NUP37: variants seen among roughly 807,000 people sequenced by gnomAD.
The protein encoded by NUP37 is nucleoporin Nup37.
A neutral mutation model predicts 45.4 loss-of-function variants in NUP37; 33 were observed. That is an observed-to-expected ratio of 0.73 (90% CI 0.55 to 0.97). The LOEUF (loss-of-function observed/expected upper bound fraction) is 0.97. Ranked by LOEUF, NUP37 falls within the 50% of genes least tolerant of loss-of-function variation. The pLI, the probability that NUP37 is intolerant of heterozygous loss-of-function variation, is 0.00. For missense variants in NUP37, 365 were observed against 389.7 expected (o/e 0.94, Z 0.53); for synonymous variants, 127 against 130.7 (o/e 0.97, Z 0.19).
intron 6 of NUP37, among the ~76,000 whole-genome samples, chr12:102,083,088 G>T (rs117435512): frequency 0.014 from 2,064 of 152,236 alleles, 24 homozygotes; most frequent in Non-Finnish European, 0.022. Flanking sequence ...TTAAGTTAAA[G>T]CATATGGAAG....
intron 2 of NUP37, among the ~76,000 whole-genome samples, chr12:102,112,596 A>G (rs573429538): frequency 2.0e-5 from 3 of 152,186 alleles, no homozygotes; most frequent in Non-Finnish European, 2.9e-5. Flanking sequence ...CTGGAGTCTG[A>G]GACCAGACTG....
rs567823463 is a variant in NUP37 at position 102,079,133 on chromosome 12, T to C, written c.541-1630A>G. On this transcript the variant is annotated intron_variant, in intron 6 of 9. Coordinates refer to ENST00000552283, the MANE Select transcript of NUP37 (RefSeq NM_024057.4). ...TGAGGGTGTAAATAGTAGTGGTAGA[T>C]TGGCAAGAATGTGGGATTTGGCATC... 2.4e-5 allele frequency: 11 copies of C among 449,400 alleles called. No individual in the cohort carries two copies. In the East Asian group the frequency reaches 4.2e-4, roughly 17 times the overall value. 27.8% of individuals were successfully genotyped at this position (449,400 alleles called of 1,614,324 possible).
intron 3 of NUP37, among the ~76,000 whole-genome samples, chr12:102,105,861 CAAAAAAA>C (rs759252411): frequency 0.071 from 5,207 of 73,700 alleles, 143 homozygotes; most frequent in African/African-American, 0.12. Context: ...GACTCCCTCT[CAAAAAAA>C]AAAAAAAAAA....
intron 4 of NUP37, among the ~76,000 whole-genome samples, chr12:102,100,270 T>C (rs1388180664): frequency 6.6e-6 from 1 of 152,206 alleles, no homozygotes; most frequent in East Asian, 1.9e-4. Context: ...TACTATTTTC[T>C]AAATGATTGG....
chr12:102,112,201 T>C lies in NUP37; in HGVS notation c.188A>G (p.Tyr63Cys), dbSNP rs1880337539. ...EEEADVEGIQ[Y>C]KTLRTFHHGV... The stretch of plus-strand genomic sequence containing the variant: ...ATGGTGAAATGTTCGAAGTGTTTTA[T>C]ACTGAATGCCTTCAACGTCTGCTTC... The change falls in exon 3 of 10, where the codon TAT becomes TGT. Residue 63 changes from tyrosine to cysteine, a missense_variant. Transcript: ENST00000552283. 6.2e-7 allele frequency: 1 copy of C among 1,613,618 alleles called. No individual in the cohort carries two copies. Among genetic ancestry groups the C allele is most frequent in the South Asian group, 1.1e-5 (1 of 91,056 alleles).
intron 3 of NUP37, among the ~76,000 whole-genome samples, chr12:102,109,825 T>C (rs1329878343): frequency 6.6e-6 from 1 of 152,200 alleles, no homozygotes; most frequent in Non-Finnish European, 1.5e-5. Flanking sequence ...CAGCTGAATA[T>C]GTAGATTAAA....
rs1321898098 is a variant in NUP37, at chr12:102,101,166, T to TC, written c.282-63dup. ...CCTTTGTAAGTGAAAGGTCTCCCCCTCCCCCCCATCCTTCCCTTCAGATCA... is the reference window on the plus strand; with the variant it reads ...CCTTTGTAAGTGAAAGGTCTCCCCCTCCCCCCCCATCCTTCCCTTCAGATCA... On this transcript the variant is annotated intron_variant, in intron 3 of 9. Transcript: ENST00000552283. The TC allele has an allele frequency of 1.1e-4, 87 of 794,860 alleles. No individual in the cohort carries two copies. The Admixed American group carries it at 1.1e-3, about 11-fold the overall frequency. 49.2% of individuals were successfully genotyped at this position (794,860 alleles called of 1,614,324 possible).
At chr12:102,095,348 G>A (rs1011264817) in intron 5 of NUP37, among the ~76,000 whole-genome samples, 4 of 151,954 alleles carry the variant, frequency 2.6e-5, no homozygotes, top group Admixed American at 6.6e-5. Context: ...AACTATGAAC[G>A]TATTTATATT....
At chr12:102,090,970 A>G (rs1387018338) in intron 5 of NUP37, among the ~76,000 whole-genome samples, 2 of 152,246 alleles carry the variant, frequency 1.3e-5, no homozygotes, top group African/African-American at 4.8e-5. Flanking sequence ...TTTCTACTAT[A>G]AAAGAAAAAA....
At chr12:102,079,053 C>T in intron 6 of NUP37, 3 of 368,876 alleles carry the variant, frequency 8.1e-6, no homozygotes, top group South Asian at 4.2e-5. Flanking sequence ...TCTGTAAAGT[C>T]CTTACTTTTA....
At chr12:102,102,255 T>C (rs1486482939) in intron 3 of NUP37, among the ~76,000 whole-genome samples, 1 of 152,184 alleles carries the variant, frequency 6.6e-6, no homozygotes, top group Non-Finnish European at 1.5e-5. Flanking sequence ...CAGACCCTGA[T>C]GTGTTGGTAG....
intron 3 of NUP37, among the ~76,000 whole-genome samples, chr12:102,105,451 G>A (rs1372103767): frequency 1.3e-5 from 2 of 152,072 alleles, no homozygotes; most frequent in African/African-American, 4.8e-5. Flanking sequence ...AATCTCTTGA[G>A]CCCGGGAGGC....
At chr12:102,076,976 C>G (rs1879188647) in intron 7 of NUP37, 129 bp from the exon 8 acceptor site, 3 of 687,450 alleles carry the variant, frequency 4.4e-6, no homozygotes, top group Admixed American at 2.6e-5. Flanking sequence ...AAATCCTAAA[C>G]AAGCAATCAG....
chr12:102,114,080 T>G (rs778107522), intron 2 of NUP37, among the ~76,000 whole-genome samples: 47 of 152,226 alleles, frequency 3.1e-4, no homozygotes, highest in Admixed American at 9.2e-4. Flanking sequence ...GTAATTTGTG[T>G]GTATAATAGT....
intron 2 of NUP37, among the ~76,000 whole-genome samples, chr12:102,112,783 A>T (rs566622064): frequency 6.6e-6 from 1 of 152,350 alleles, no homozygotes; most frequent in Admixed American, 6.5e-5. Flanking sequence ...GGGACCTTAT[A>T]AAGACCTCAA....
Position 102,118,365 on chromosome 12 carries a change from G to A in NUP37, c.154C>T (p.Gln52Ter). 2 of 1,612,068 alleles carry A rather than the reference G, an allele frequency of 1.2e-6. No homozygotes were observed. Among genetic ancestry groups the A allele is most frequent in the Non-Finnish European group, 1.7e-6 (2 of 1,179,172 alleles). ...NYVVIGTCTFQEEEADVEGIQ... is the reference protein window; with the variant it reads ...NYVVIGTCTF Reference sequence around the variant, plus strand: ...TCGGTGCAGTTTTGTAGACTAACCTGAAACGTACACGTGCCAATGACCACA... The same window carrying A: ...TCGGTGCAGTTTTGTAGACTAACCTAAAACGTACACGTGCCAATGACCACA... Residue 52 changes from glutamine (Q) to a stop codon, truncating the protein, a stop_gained and splice_region_variant, in exon 2 of 10, where the codon CAG (glutamine) becomes TAG (stop). Transcript: ENST00000552283. LOFTEE classifies it high-confidence loss of function.
At chr12:102,108,374 C>T (rs531682031) in intron 3 of NUP37, among the ~76,000 whole-genome samples, 2 of 152,272 alleles carry the variant, frequency 1.3e-5, no homozygotes, top group African/African-American at 4.8e-5. Context: ...AGGCTTACAC[C>T]AGTGGTTTGT....
intron 5 of NUP37, among the ~76,000 whole-genome samples, chr12:102,092,082 C>T (rs1879672472): frequency 1.3e-5 from 2 of 152,176 alleles, no homozygotes; most frequent in African/African-American, 4.8e-5. Flanking sequence ...GAAAGATGTT[C>T]TGTCCGAGGA....
chr12:102,094,597 G>C (rs568879491), intron 5 of NUP37, among the ~76,000 whole-genome samples: 5 of 152,164 alleles, frequency 3.3e-5, no homozygotes, highest in Admixed American at 3.3e-4. Context: ...CACATAGCTT[G>C]CATGTGGTAC....
Sources: gnomAD v4.1 joint callset for allele counts (sites outside exome capture counted in the v4.1 genomes callset) on GRCh38, gnomAD v4.1.1 for gene constraint, MANE v1.5 for transcripts, NCBI Gene and HGNC (gene_info 2026-07-23, HGNC 2026-07-21) for gene names.